Variants in CAPN2 observed in about 807,000 individuals in gnomAD.
The protein encoded by CAPN2 is calpain 2.
In CAPN2, 92 loss-of-function variants were observed where a neutral mutation model predicts 102.3. The ratio of observed to expected loss-of-function variants is 0.90; its 90% CI spans 0.76 to 1.07. The LOEUF is 1.07. CAPN2 is among the 50% of genes least tolerant of loss of function. CAPN2 has a pLI of 0.00. For missense variants in CAPN2, 800 were observed against 909.4 expected (o/e 0.88, Z 1.55); for synonymous variants, 340 against 355.4 (o/e 0.96, Z 0.49).
chr1:223,769,359 G>C (rs1165986277), intron 16 of CAPN2, among the ~76,000 whole-genome samples: 1 of 152,070 alleles, frequency 6.6e-6, no homozygotes, highest in Admixed American at 6.6e-5. Context: ...GACCACAGGT[G>C]ATCTGCCCAC....
intron 1 of CAPN2, among the ~76,000 whole-genome samples, chr1:223,715,712 G>T (rs1454975874): frequency 2.0e-5 from 3 of 152,168 alleles, no homozygotes; most frequent in Non-Finnish European, 4.4e-5. Flanking sequence ...TCTGTTAGGA[G>T]CAAGGGCAGA....
In CAPN2 at chr1:223,771,821, C is replaced by T. The variant is rs752773070; in HGVS notation, c.1916C>T (p.Pro639Leu). 4.3e-6 allele frequency: 7 copies of T among 1,611,314 alleles called. No homozygotes were observed. The highest frequency in any genetic ancestry group is 5.9e-6 in the Non-Finnish European group (7 of 1,177,392). Residue 639 changes from proline (P) to leucine (L), a missense_variant, in exon 19 of 21, where the codon CCC (proline) becomes CTC (leucine). Pro to Leu is a moderately conservative substitution (Grantham distance 98). Transcript: ENST00000295006. The part of the protein sequence containing the change: ...KALEEAGFKM[P>L]CQLHQVIVAR... ...CATGTAACTTCAGGTTTCAAGATGC[C>T]CTGTCAACTCCACCAAGTCATCGTT... is the stretch of plus-strand genomic sequence containing the variant.
chr1:223,759,405 G>C lies in CAPN2; in HGVS notation c.1453G>C (p.Val485Leu), dbSNP rs755171997. The C allele has an allele frequency of 6.2e-7, 1 of 1,614,150 alleles. No individual in the cohort carries two copies. Residue 485 changes from valine to leucine, a missense_variant, in exon 12 of 21, where the codon GTG becomes CTG. Transcript: ENST00000295006. The surrounding 1 kb of genome is among the most constrained non-coding windows in gnomAD (Gnocchi z 4.6). ...GCTGCCGCCAGGAGAGTACATTCTC[G>C]TGCCTTCCACCTTCGAACCCAACAA... ...FKLPPGEYIL[V>L]PSTFEPNKDG...
chr1:223,742,129 C>T (rs1284019879), intron 2 of CAPN2, among the ~76,000 whole-genome samples: 11 of 152,116 alleles, frequency 7.2e-5, no homozygotes, highest in Non-Finnish European at 1.5e-4. Context: ...TGCTGGCTCA[C>T]GCCTGTAATA....
Position 223,755,480 on chromosome 1 carries a change from A to C in CAPN2, c.1136A>C (p.Asn379Thr). 1.9e-6 allele frequency: 3 copies of C among 1,613,862 alleles called. No homozygotes were observed. The highest frequency in any genetic ancestry group is 2.5e-6 in the Non-Finnish European group (3 of 1,179,970). The change falls in exon 10 of 21, where the codon AAC (asparagine) becomes ACC (threonine). Residue 379 changes from asparagine to threonine, a missense_variant and splice_region_variant. Asn to Thr is a moderately conservative substitution (Grantham distance 65). Transcript: ENST00000295006. The surrounding 1 kb of genome is among the most constrained non-coding windows in gnomAD (Gnocchi z 4.1). ...CTCCTCTGCCCCTTTCTGGCTGCAG[A>C]CACATTCTGGATGAACCCTCAGTAC... ...STAGGCRNYP[N>T]TFWMNPQYLI...
At position 223,761,602 on chromosome 1, in the gene CAPN2, G is replaced by A. The variant is rs1050023498; in HGVS notation, c.1551G>A (p.Glu517=). 1.2e-6 allele frequency: 2 copies of A among 1,612,722 alleles called. No homozygotes were observed. The highest frequency in any genetic ancestry group is 2.2e-5 in the South Asian group (2 of 90,926). The change falls in exon 13 of 21, where the codon GAG becomes GAA. Residue 517 remains glutamate, a synonymous_variant. Coordinates refer to ENST00000295006, the MANE Select transcript of CAPN2 (RefSeq NM_001748.5). ...ADYQAVDDEI[E]ANLEEFDISE... is the part of the protein sequence containing the mutation. ...CCAGAGCTGTCGATGATGAAATCGAGGCCAATCTTGAAGAGGTATTTGTAA... is the reference window on the plus strand; with the variant it reads ...CCAGAGCTGTCGATGATGAAATCGAAGCCAATCTTGAAGAGGTATTTGTAA...
At chr1:223,729,921 GA>G (rs1488953128) in intron 2 of CAPN2, among the ~76,000 whole-genome samples, 1 of 141,826 alleles carries the variant, frequency 7.1e-6, no homozygotes, top group Non-Finnish European at 1.5e-5. Context: ...AGAATCGCTT[GA>G]ACCCAGAAAG....
chr1:223,746,475 C>CTTTTTTTTTT (rs60366533), intron 4 of CAPN2, among the ~76,000 whole-genome samples: 3,530 of 108,284 alleles, frequency 0.033, 611 homozygotes, highest in African/African-American at 0.15. Flanking sequence ...CTACGAGAAT[C>CTTTTTTTTTT]TTTTTTTTTT....
At chr1:223,720,042 ACT>A (rs1346238055) in intron 2 of CAPN2, among the ~76,000 whole-genome samples, 1 of 152,060 alleles carries the variant, frequency 6.6e-6, no homozygotes, top group East Asian at 1.9e-4. Context: ...TGGCAGTGAC[ACT>A]CTGTGACATG....
chr1:223,704,440 T>G (rs1659556294), intron 1 of CAPN2, among the ~76,000 whole-genome samples: 1 of 152,212 alleles, frequency 6.6e-6, no homozygotes, highest in African/African-American at 2.4e-5. Context: ...TTGAATTGCA[T>G]TAGCAACTCG....
chr1:223,766,633 AC>A (rs541782972), intron 16 of CAPN2, among the ~76,000 whole-genome samples: 124 of 151,276 alleles, frequency 8.2e-4, no homozygotes, highest in African/African-American at 2.7e-3. Flanking sequence ...CAAATGCTAC[AC>A]CCCCCCTCCC....
At chr1:223,749,803 C>G (rs1189474154) in intron 6 of CAPN2, among the ~76,000 whole-genome samples, 1 of 152,054 alleles carries the variant, frequency 6.6e-6, no homozygotes, top group Non-Finnish European at 1.5e-5. Flanking sequence ...TCACTCGAGC[C>G]TAGGAGTTCA....
intron 2 of CAPN2, among the ~76,000 whole-genome samples, chr1:223,722,281 C>CTTTTTTTTTTTTTTTTTTTTTT (rs34894876): frequency 1.9e-3 from 160 of 85,392 alleles, no homozygotes; most frequent in Non-Finnish European, 2.3e-3. Context: ...TTCTTTCTTT[C>CTTTTTTTTTTTTTTTTTTTTTT]TTTTTTTTTT....
Position 223,717,841 on chromosome 1 carries a change from AG to A in CAPN2, c.307+11del, listed in dbSNP as rs752911657. On this transcript the variant is annotated intron_variant, in intron 2 of 20. Transcript: ENST00000295006. ...TGCCAAGGAGCCCTGGGTAAGTGAT[AG>A]ATTCAGAGCAAGCTGGGGGATCTTG... is the stretch of plus-strand genomic sequence containing the variant. 7 of 1,608,000 alleles carry A rather than the reference AG, an allele frequency of 4.4e-6. No homozygotes were observed. In the East Asian group the frequency reaches 1.6e-4, roughly 36 times the overall value.
chr1:223,758,930 G>T, intron 11 of CAPN2: 1 of 334,406 alleles, frequency 3.0e-6, no homozygotes, highest in South Asian at 2.7e-5. Context: ...CTGGCCTCGA[G>T]CAATCCTCTC....
At chr1:223,728,378 G>A (rs1660251231) in intron 2 of CAPN2, among the ~76,000 whole-genome samples, 1 of 152,104 alleles carries the variant, frequency 6.6e-6, no homozygotes. Flanking sequence ...CCCATCACAG[G>A]GACTTGAAGG....
chr1:223,728,665 G>T (rs1360475728), intron 2 of CAPN2, among the ~76,000 whole-genome samples: 1 of 152,166 alleles, frequency 6.6e-6, no homozygotes, highest in Non-Finnish European at 1.5e-5. Flanking sequence ...TGGCCTTCTT[G>T]TCCTTTACCA....
chr1:223,708,207 T>C (rs1339029031), upstream of CAPN2, among the ~76,000 whole-genome samples: 1 of 152,114 alleles, frequency 6.6e-6, no homozygotes, highest in Non-Finnish European at 1.5e-5. Flanking sequence ...CCCGCCTTAT[T>C]CAAGAGTAAA....
At position 223,754,031 on chromosome 1, in the gene CAPN2, C is replaced by T. The variant is rs1172279571; in HGVS notation, c.1135+1075C>T. The stretch of plus-strand genomic sequence containing the variant: ...GCAGGCACTTTCTTATCACCTCCAT[C>T]TCTAAGATGAGGAAACTGAGGCTTG... On this transcript the variant is annotated intron_variant, in intron 9 of 20. Coordinates refer to ENST00000295006, the MANE Select transcript of CAPN2 (RefSeq NM_001748.5). This position sits in a 1 kb window ranked among gnomAD's most constrained non-coding sequence, Gnocchi z 4.7. Among the ~76,000 whole-genome samples, 1 of 152,224 alleles carries T rather than the reference C, an allele frequency of 6.6e-6. No individual in the cohort carries two copies. The highest frequency in any genetic ancestry group is 2.4e-5 in the African/African-American group (1 of 41,454).
Sources: allele counts gnomAD v4.1 joint callset (sites outside exome capture counted in the v4.1 genomes callset), GRCh38; gene constraint gnomAD v4.1.1; non-coding constraint Gnocchi (gnomAD v3.1); transcripts MANE v1.5; gene names NCBI Gene and HGNC (gene_info 2026-07-23, HGNC 2026-07-21).